The following RTN4IP1 variants were observed in gnomAD, a reference collection of about 807,000 sequenced individuals.
RTN4IP1 encodes NAD(P)H oxidoreductase RTN4IP1, mitochondrial.
A neutral mutation model predicts 46.6 loss-of-function variants in RTN4IP1; 32 were observed. The ratio of observed to expected loss-of-function variants is 0.69; its 90% CI spans 0.52 to 0.92. The LOEUF (loss-of-function observed/expected upper bound fraction) is 0.92, where lower values mean the gene tolerates loss of function less well. Ranked by LOEUF, RTN4IP1 falls within the 40% of genes least tolerant of loss-of-function variation. The probability of loss-of-function intolerance (pLI) is 0.00; values close to 1 mark genes in which losing one functional copy is unlikely to be tolerated. For synonymous variants in RTN4IP1, 167 were observed against 161.8 expected (o/e 1.03, Z -0.24); for missense variants, 424 against 485.8 (o/e 0.87, Z 1.20).
intron 4 of RTN4IP1, among the ~76,000 whole-genome samples, chr6:106,610,462 G>A (rs977888433): frequency 4.6e-5 from 7 of 152,122 alleles, no homozygotes; most frequent in African/African-American, 1.7e-4. Flanking sequence ...TTCACAGCAC[G>A]TTCAATGCAA....
chr6:106,585,699 C>T (rs1582863156), intron 7 of RTN4IP1, among the ~76,000 whole-genome samples: 2 of 152,102 alleles, frequency 1.3e-5, no homozygotes, highest in African/African-American at 4.8e-5. Context: ...GACAATGAGG[C>T]TTTAACTACG....
At chr6:106,605,816 C>CACAAAAAAAAA (rs1776053742) in intron 4 of RTN4IP1, among the ~76,000 whole-genome samples, 1 of 4,492 alleles carries the variant, frequency 2.2e-4, no homozygotes, top group African/African-American at 5.9e-4. Flanking sequence ...GACTCTGTCC[C>CACAAAAAAAAA]AAAAAAAAAA....
intron 8 of RTN4IP1, 24 bp from the exon 9 acceptor site, chr6:106,572,127 G>A (rs373899282): frequency 5.1e-5 from 80 of 1,561,424 alleles, no homozygotes; most frequent in South Asian, 4.6e-4. Context: ...GAGGTTGACC[G>A]GTGGATAAAA....
At chr6:106,613,601 A>G (rs1050893826) in intron 4 of RTN4IP1, among the ~76,000 whole-genome samples, 1 of 152,184 alleles carries the variant, frequency 6.6e-6, no homozygotes, top group African/African-American at 2.4e-5. Context: ...GAAATCTGTA[A>G]ACCAAAAATA....
At position 106,600,688 on chromosome 6, in the gene RTN4IP1, T is replaced by A. The variant is rs367986462; in HGVS notation, c.669+2186A>T. ...GAATCATACAATATGTAGGACCTTT[T>A]GTTTCTGGATTTTTCTCACTTAGCA... On this transcript the variant is annotated intron_variant, in intron 5 of 8. Coordinates refer to ENST00000369063, the MANE Select transcript of RTN4IP1 (RefSeq NM_032730.5). 2.6e-5 allele frequency among the ~76,000 whole-genome samples: 4 copies of A among 152,126 alleles called. No homozygotes were observed. The East Asian group carries it at 5.8e-4, about 22-fold the overall frequency.
chr6:106,578,722 C>T (rs575423751), intron 8 of RTN4IP1, among the ~76,000 whole-genome samples: 1 of 152,268 alleles, frequency 6.6e-6, no homozygotes, highest in South Asian at 2.1e-4. Flanking sequence ...CACTCCCTGC[C>T]ACCATTTCAC....
intron 6 of RTN4IP1, among the ~76,000 whole-genome samples, chr6:106,588,323 C>A (rs1329714436): frequency 1.3e-5 from 2 of 152,194 alleles, no homozygotes; most frequent in Non-Finnish European, 2.9e-5. Context: ...ATAAAGTATT[C>A]TTTAGTGCAC....
intron 1 of RTN4IP1, among the ~76,000 whole-genome samples, chr6:106,626,798 T>C (rs1480538672): frequency 6.6e-6 from 1 of 152,218 alleles, no homozygotes; most frequent in Non-Finnish European, 1.5e-5. Flanking sequence ...TTGGGCCAAT[T>C]TGAAAAATCC....
At chr6:106,596,249 G>A (rs1775788509) in intron 5 of RTN4IP1, among the ~76,000 whole-genome samples, 1 of 152,162 alleles carries the variant, frequency 6.6e-6, no homozygotes. Flanking sequence ...TATTTCAAGT[G>A]ATGGCTTTAC....
intron 4 of RTN4IP1, among the ~76,000 whole-genome samples, chr6:106,615,404 A>T (rs563971342): frequency 1.3e-5 from 2 of 151,466 alleles, no homozygotes; most frequent in East Asian, 4.0e-4. Context: ...ATAAAACCTA[A>T]TATCAAAAAA....
intron 5 of RTN4IP1, among the ~76,000 whole-genome samples, chr6:106,598,159 T>C (rs1362018404): frequency 1.3e-5 from 2 of 152,120 alleles, no homozygotes; most frequent in Non-Finnish European, 2.9e-5. Context: ...TAAACATACG[T>C]GTGCATGTGT....
chr6:106,615,394 A>G (rs1776325166), intron 4 of RTN4IP1, among the ~76,000 whole-genome samples: 1 of 151,840 alleles, frequency 6.6e-6, no homozygotes, highest in Non-Finnish European at 1.5e-5. Context: ...TTTTACTGCC[A>G]TAAAACCTAA....
chr6:106,609,367 C>A (rs1439636575), intron 4 of RTN4IP1, among the ~76,000 whole-genome samples: 1 of 152,132 alleles, frequency 6.6e-6, no homozygotes, highest in South Asian at 2.1e-4. Context: ...TCAGCCTGGG[C>A]AACATCATGA....
At chr6:106,629,572 G>C, upstream of RTN4IP1, 1 of 1,357,824 alleles carries the variant, frequency 7.4e-7, no homozygotes, top group South Asian at 1.3e-5. Context: ...CGGTGTTGAA[G>C]GGCTCAGTGA....
chr6:106,592,059 T>G, intron 6 of RTN4IP1, 105 bp downstream of exon 6: 2 of 1,194,432 alleles, frequency 1.7e-6, no homozygotes, highest in Non-Finnish European at 2.4e-6. Flanking sequence ...TCATAGATCC[T>G]TCTCAAGATT....
chr6:106,584,219 G>A (rs532561850), intron 7 of RTN4IP1, among the ~76,000 whole-genome samples: 2 of 152,292 alleles, frequency 1.3e-5, no homozygotes, highest in South Asian at 4.1e-4. Flanking sequence ...GATTACAGGC[G>A]TGAGCCACTG....
chr6:106,620,861 A>C (rs990714529), intron 3 of RTN4IP1, among the ~76,000 whole-genome samples: 1 of 152,158 alleles, frequency 6.6e-6, no homozygotes, highest in African/African-American at 2.4e-5. Flanking sequence ...AACTCTCAAA[A>C]ACACGTCCTA....
chr6:106,607,271 A>G (rs1468913270), intron 4 of RTN4IP1, among the ~76,000 whole-genome samples: 1 of 151,046 alleles, frequency 6.6e-6, no homozygotes. Flanking sequence ...TTAAAGACTT[A>G]AACATAAGAC....
Position 106,579,988 on chromosome 6 carries a change from G to A in RTN4IP1, c.1083+3340C>T, listed in dbSNP as rs1306543248. Among the ~76,000 whole-genome samples, 8 of 152,022 alleles carry A rather than the reference G, an allele frequency of 5.3e-5. No individual in the cohort carries two copies. In the South Asian group the frequency reaches 1.7e-3, roughly 32 times the overall value. On this transcript the variant is annotated intron_variant, in intron 8 of 8. Coordinates refer to ENST00000369063, the MANE Select transcript of RTN4IP1 (RefSeq NM_032730.5). ...CCAACACTTTGGGAGGCTGAAGTGGGTGGATCATGAGGTCAGGAAATCGAA... is the reference window on the plus strand; with the variant it reads ...CCAACACTTTGGGAGGCTGAAGTGGATGGATCATGAGGTCAGGAAATCGAA...
Sources: gnomAD v4.1 joint callset for allele counts (sites outside exome capture counted in the v4.1 genomes callset) on GRCh38, gnomAD v4.1.1 for gene constraint, MANE v1.5 for transcripts, NCBI Gene and HGNC (gene_info 2026-07-23, HGNC 2026-07-21) for gene names.